CELF2: variants seen among roughly 807,000 people sequenced by gnomAD.
CELF2 encodes CUG triplet repeat RNA-binding protein 2.
A neutral mutation model predicts 62.6 loss-of-function variants in CELF2; 8 were observed. The observed-to-expected ratio is 0.13, with a 90% CI of 0.07 to 0.23. The LOEUF is 0.23. Among genes scored for constraint, CELF2 ranks in the 10% least tolerant of loss-of-function variants. The pLI, the probability that CELF2 is intolerant of heterozygous loss-of-function variation, is 1.00. For synonymous variants in CELF2, 258 were observed against 250.0 expected (o/e 1.03, Z -0.30); for missense variants, 333 against 671.0 (o/e 0.50, Z 5.56).
At chr10:10,890,403 A>G (rs1382305057) in intron 1 of CELF2, among the ~76,000 whole-genome samples, 1 of 152,170 alleles carries the variant, frequency 6.6e-6, no homozygotes, top group Non-Finnish European at 1.5e-5. Context: ...ACCTTACAAA[A>G]TGTCATGGCA....
At position 11,335,686 on chromosome 10, in the gene CELF2, T is replaced by C. The variant is rs2096106728; in HGVS notation, c.*6633T>C. On this transcript the variant is annotated 3_prime_UTR_variant, in exon 13 of 13. Transcript: ENST00000633077. The surrounding 1 kb of genome is among the most constrained non-coding windows in gnomAD (Gnocchi z 5.0). ...GCCTACGTTAGTGGGAAAGGATGGC[T>C]AAGGGTGTGATTTCTTTTTATTAGG... 6.6e-6 allele frequency: 1 copy of C among 152,066 alleles called. No individual in the cohort carries two copies. Among genetic ancestry groups the C allele is most frequent in the Non-Finnish European group, 1.5e-5 (1 of 67,990 alleles). The allele number at this position is 152,066 out of a possible 1,614,324, so 9.4% of individuals were successfully genotyped here.
chr10:11,142,666 A>G (rs996681061), intron 1 of CELF2, among the ~76,000 whole-genome samples: 23 of 145,060 alleles, frequency 1.6e-4, no homozygotes, highest in African/African-American at 4.2e-4. Flanking sequence ...CCTGGGTGAC[A>G]GAGCGAGACG....
chr10:10,653,651 G>A, the CELF2 span, among the ~76,000 whole-genome samples: 1 of 142,584 alleles, frequency 7.0e-6, no homozygotes, highest in Admixed American at 7.1e-5. Flanking sequence ...CAGAAATAAA[G>A]ATGTTCTTTG....
rs1472123813 is a variant in CELF2 at position 10,990,882 on chromosome 10, G to A, written c.89+70883G>A. 2.6e-5 allele frequency among the ~76,000 whole-genome samples: 4 copies of A among 152,024 alleles called. No homozygotes were observed. In the South Asian group the frequency reaches 8.3e-4, roughly 32 times the overall value. On this transcript the variant is annotated intron_variant, in intron 2 of 13. Transcript: ENST00000636488. The surrounding 1 kb of genome is among the most constrained non-coding windows in gnomAD (Gnocchi z 4.6). ...TTTCCATAACCCTAAGAATAATTTTGCAGGCATTTTGGCATTGAGTCTTCA... is the reference window on the plus strand; with the variant it reads ...TTTCCATAACCCTAAGAATAATTTTACAGGCATTTTGGCATTGAGTCTTCA...
chr10:11,288,604 G>A (rs759754863), intron 9 of CELF2, 52 bp downstream of exon 9: 10 of 1,599,192 alleles, frequency 6.3e-6, no homozygotes, highest in Middle Eastern at 1.7e-4. Flanking sequence ...GGAGTGGCAG[G>A]TAGGTTTCCG....
rs186405739 is a variant in CELF2 at position 11,032,745 on chromosome 10, G to A, written c.74+14582G>A. ...AATAGAAGCAGAATAAATAATTGAC[G>A]AAGGTTGCTCAGGAAACCTATAGAC... On this transcript the variant is annotated intron_variant, in intron 1 of 12. Coordinates refer to ENST00000633077, the MANE Select transcript of CELF2 (RefSeq NM_001326342.2). Among the ~76,000 whole-genome samples, 435 of 152,268 alleles carry A rather than the reference G, an allele frequency of 2.9e-3. 4 individuals are homozygous for A. The highest frequency in any genetic ancestry group is 4.8e-3 in the South Asian group (23 of 4,826).
In CELF2 at chr10:11,300,819, C is replaced by T. The variant is rs576281301; in HGVS notation, c.976+12267C>T. Among the ~76,000 whole-genome samples, 10 of 152,270 alleles carry T rather than the reference C, an allele frequency of 6.6e-5. No individual in the cohort carries two copies. The East Asian group carries it at 1.5e-3, about 24-fold the overall frequency. On this transcript the variant is annotated intron_variant, in intron 9 of 12. Coordinates refer to ENST00000633077, the MANE Select transcript of CELF2 (RefSeq NM_001326342.2). The surrounding 1 kb of genome is among the most constrained non-coding windows in gnomAD (Gnocchi z 5.5). ...CCTGAGTATGTTTGGTCAATGCAGG[C>T]GATTTTCTCCGTGTTTACAATGATT...
chr10:10,750,102 T>C, the CELF2 span, among the ~76,000 whole-genome samples: 8 of 152,218 alleles, frequency 5.3e-5, no homozygotes, highest in African/African-American at 1.9e-4. Context: ...GCCAACATGG[T>C]GAAACCTCAT....
chr10:10,739,168 T>G, the CELF2 span, among the ~76,000 whole-genome samples: 1 of 152,202 alleles, frequency 6.6e-6, no homozygotes, highest in Non-Finnish European at 1.5e-5. Context: ...TATGTTTATA[T>G]GTATTCATAT....
At chr10:11,118,020 A>G (rs931670518) in intron 1 of CELF2, among the ~76,000 whole-genome samples, 1 of 152,194 alleles carries the variant, frequency 6.6e-6, no homozygotes, top group African/African-American at 2.4e-5. Context: ...CAAAAGGGTA[A>G]TCAGAAGCAT....
At chr10:10,574,879 T>C in the CELF2 span, among the ~76,000 whole-genome samples, 298 of 84,066 alleles carry the variant, frequency 3.5e-3, 2 homozygotes, top group African/African-American at 0.015. Flanking sequence ...CTGGTTTTTT[T>C]TTTTTTTTTT....
At chr10:11,142,567 C>T (rs141515873) in intron 1 of CELF2, among the ~76,000 whole-genome samples, 7,224 of 151,758 alleles carry the variant, frequency 0.048, 185 homozygotes, top group African/African-American at 0.059. Context: ...GCCTGTAATC[C>T]CAGCTACTCG....
At position 11,297,101 on chromosome 10, in the gene CELF2, G is replaced by A. The variant is rs776013495; in HGVS notation, c.976+8549G>A. Among the ~76,000 whole-genome samples, 4 of 152,176 alleles carry A rather than the reference G, an allele frequency of 2.6e-5. No individual in the cohort carries two copies. Among genetic ancestry groups the A allele is most frequent in the Non-Finnish European group, 5.9e-5 (4 of 68,008 alleles). ...CATTTGATGTGAGGGAGAACAAAAG[G>A]AAAGGAGGAAAAATGATATGGTGTG... is the stretch of plus-strand genomic sequence containing the variant. On this transcript the variant is annotated intron_variant, in intron 9 of 12. Transcript: ENST00000633077. The surrounding 1 kb of genome is among the most constrained non-coding windows in gnomAD (Gnocchi z 4.4).
At chr10:11,313,872 C>G (rs1228331946) in intron 9 of CELF2, among the ~76,000 whole-genome samples, 2 of 152,126 alleles carry the variant, frequency 1.3e-5, no homozygotes, top group East Asian at 3.9e-4. Context: ...ATGTCTAAAC[C>G]TGGCAGGGCA....
At chr10:11,292,343 T>C (rs2092637939) in intron 9 of CELF2, among the ~76,000 whole-genome samples, 1 of 152,212 alleles carries the variant, frequency 6.6e-6, no homozygotes. Context: ...GTGACTGTTG[T>C]TCTTGCACAC....
intron 9 of CELF2, among the ~76,000 whole-genome samples, chr10:11,307,075 G>A (rs1293765803): frequency 6.6e-6 from 1 of 152,228 alleles, no homozygotes; most frequent in Non-Finnish European, 1.5e-5. Context: ...TGAGAGCAGT[G>A]TGTGGCATCA....
At chr10:11,216,830 A>G (rs893357625) in intron 2 of CELF2, among the ~76,000 whole-genome samples, 2 of 152,210 alleles carry the variant, frequency 1.3e-5, no homozygotes, top group Non-Finnish European at 2.9e-5. Flanking sequence ...ACCCATCTGT[A>G]TTGTAGCTTA....
intron 1 of CELF2, among the ~76,000 whole-genome samples, chr10:11,108,216 T>G (rs1001753732): frequency 2.0e-5 from 3 of 149,626 alleles, no homozygotes; most frequent in Admixed American, 6.7e-5. Context: ...TACTCCCTGC[T>G]CATTCCCTTC....
intron 1 of CELF2, among the ~76,000 whole-genome samples, chr10:10,884,231 C>G (rs1009246215): frequency 6.6e-6 from 1 of 152,098 alleles, no homozygotes; most frequent in Non-Finnish European, 1.5e-5. Flanking sequence ...AACAGTGACT[C>G]TATGAAGAAC....
Sources: allele counts gnomAD v4.1 joint callset (sites outside exome capture counted in the v4.1 genomes callset), GRCh38; gene constraint gnomAD v4.1.1; non-coding constraint Gnocchi (gnomAD v3.1); transcripts MANE v1.5; gene names NCBI Gene and HGNC (gene_info 2026-07-23, HGNC 2026-07-21).